Variants in MYO1C observed in about 807,000 individuals in gnomAD.
The protein encoded by MYO1C is unconventional myosin-Ic.
A neutral mutation model predicts 150.8 loss-of-function variants in MYO1C; 104 were observed. The ratio of observed to expected loss-of-function variants is 0.69; its 90% CI spans 0.59 to 0.81. The LOEUF (loss-of-function observed/expected upper bound fraction) is 0.81, where lower values mean the gene tolerates loss of function less well. Among genes scored for constraint, MYO1C ranks in the 30% least tolerant of loss-of-function variants. The pLI, the probability that MYO1C is intolerant of heterozygous loss-of-function variation, is 0.00. For synonymous variants in MYO1C, 663 were observed against 579.9 expected (o/e 1.14, Z -2.06); for missense variants, 1,504 against 1,435.0 (o/e 1.05, Z -0.78).
chr17:1,470,226 G>A lies in MYO1C; in HGVS notation c.2475C>T (p.Pro825=), dbSNP rs1567516470. The change falls in exon 24 of 32, where the codon CCC becomes CCT. Residue 825 remains proline, a synonymous_variant. Transcript: ENST00000648651. ...GCCACGAGGTGTCCAGGACATTCTG[G>A]GGCAGCTGCCGCCTCAGGTTTAGCA... ...SFLLNLRRQL[P]QNVLDTSWPT... 3.1e-6 allele frequency: 5 copies of A among 1,611,206 alleles called. No individual in the cohort carries two copies. The highest frequency in any genetic ancestry group is 4.2e-6 in the Non-Finnish European group (5 of 1,179,292).
rs8072859 is a variant in MYO1C, at chr17:1,467,829, T to C, written c.2967+11A>G. ...ATCCCCCACCACTCCTCCCCATCCA[T>C]GAAAAGGCACCTTTTGCTTATTGTC... On this transcript the variant is annotated intron_variant, in intron 29 of 31. Transcript: ENST00000648651. The C allele has an allele frequency of 0.73, 1,114,768 of 1,517,620 alleles. 406,447 individuals are homozygous for C. The highest frequency in any genetic ancestry group is 0.89 in the African/African-American group (53,997 of 60,702). 94.0% of individuals were successfully genotyped at this position (1,517,620 alleles called of 1,614,324 possible). A position where few individuals can be genotyped will look rare whatever the true frequency, so the allele number is the denominator to read the frequency against.
Position 1,483,957 on chromosome 17 carries a change from G to A in MYO1C, c.231+191C>T, listed in dbSNP as rs150129794. On this transcript the variant is annotated intron_variant, in intron 2 of 31. Coordinates refer to ENST00000648651, the MANE Select transcript of MYO1C (RefSeq NM_001080779.2). The stretch of plus-strand genomic sequence containing the variant: ...CTCGGGAGGCTGAGGCAGGAGAATC[G>A]CTTGAACCCGGGGGGAGGAGGTTAC... 3.1e-3 allele frequency among the ~76,000 whole-genome samples: 472 copies of A among 151,914 alleles called. 2 individuals are homozygous for A. Among genetic ancestry groups the A allele is most frequent in the African/African-American group, 0.011 (443 of 41,406 alleles).
intron 5 of MYO1C, among the ~76,000 whole-genome samples, chr17:1,481,826 T>TAA (rs36123893): frequency 0.17 from 22,472 of 134,368 alleles, 2,004 homozygotes; most frequent in South Asian, 0.27. Context: ...TACTCAGAGT[T>TAA]AAAAAAAAAA....
At position 1,478,745 on chromosome 17, in the gene MYO1C, C is replaced by A. The variant is rs997133275; in HGVS notation, c.1093-10G>T. 2.5e-6 allele frequency: 4 copies of A among 1,613,482 alleles called. No homozygotes were observed. The highest frequency in any genetic ancestry group is 3.4e-6 in the Non-Finnish European group (4 of 1,180,038). Reference sequence around the variant, plus strand: ...TCAGCGGGCTCAGGAGCTGTGGACGCAGCGTGAGACAAGGAGATGAATGCC... The same window carrying A: ...TCAGCGGGCTCAGGAGCTGTGGACGAAGCGTGAGACAAGGAGATGAATGCC... On this transcript the variant is annotated splice_polypyrimidine_tract_variant and intron_variant, in intron 9 of 31. Transcript: ENST00000648651. This position sits in a 1 kb window ranked among gnomAD's most constrained non-coding sequence, Gnocchi z 6.3.
intron 1 of MYO1C, chr17:1,484,631 G>GA (rs2074613179): frequency 3.9e-6 from 2 of 513,454 alleles, no homozygotes; most frequent in South Asian, 4.1e-5. Context: ...CAGAACCCGG[G>GA]AGGTGCTGGT....
In MYO1C at chr17:1,466,788, G is replaced by A. The variant is rs184469888; in HGVS notation, c.3165+454C>T. Reference sequence around the variant, plus strand: ...ATTACAGGCGTGCACCACCACGCCCGGCTAATTTTTGTGTTATTAGTAGAG... The same window carrying A: ...ATTACAGGCGTGCACCACCACGCCCAGCTAATTTTTGTGTTATTAGTAGAG... On this transcript the variant is annotated intron_variant, in intron 31 of 31. Coordinates refer to ENST00000648651, the MANE Select transcript of MYO1C (RefSeq NM_001080779.2). Among the ~76,000 whole-genome samples the A allele has an allele frequency of 4.0e-5, 6 of 151,802 alleles. No homozygotes were observed. In the East Asian group the frequency reaches 5.8e-4, roughly 15 times the overall value.
At chr17:1,468,147 G>A (rs2150930489) in intron 27 of MYO1C, 24 bp from the exon 28 acceptor site, 3 of 1,612,876 alleles carry the variant, frequency 1.9e-6, no homozygotes, top group Non-Finnish European at 2.5e-6. Context: ...CCAGGCTGAA[G>A]GGGCTGGGGA....
rs754992452 is a variant in MYO1C, at chr17:1,467,539, C to T, written c.3006G>A (p.Thr1002=). ...TGGCACTGAGGGCTGTCTTGGTCAG[C>T]GTCTCAATCACGTGGTCACTCTGCA... ...VVLQSDHVIE[T]LTKTALSANR... The change falls in exon 30 of 32, where the codon ACG becomes ACA. Residue 1002 remains threonine (T), a synonymous_variant. Transcript: ENST00000648651. 2.4e-5 allele frequency: 39 copies of T among 1,613,442 alleles called. No homozygotes were observed. The South Asian group carries it at 3.0e-4, about 12-fold the overall frequency.
chr17:1,489,070 C>T (rs1206346907), intron 1 of MYO1C, among the ~76,000 whole-genome samples: 2 of 152,196 alleles, frequency 1.3e-5, no homozygotes, highest in East Asian at 3.8e-4. Flanking sequence ...GCACCCGGGA[C>T]TGCTGCTATA....
chr17:1,485,281 G>C, intron 1 of MYO1C: 4 of 1,143,688 alleles, frequency 3.5e-6, no homozygotes, highest in Non-Finnish European at 4.3e-6. Flanking sequence ...GGTCAGAGAA[G>C]AACAAGGTGG....
At chr17:1,472,976 G>A (rs1037261295) in intron 17 of MYO1C, among the ~76,000 whole-genome samples, 4 of 152,146 alleles carry the variant, frequency 2.6e-5, no homozygotes, top group Admixed American at 6.5e-5. Flanking sequence ...CGAGGCGGGC[G>A]GATCACCTGA....
rs1214812307 is a variant in MYO1C, at chr17:1,472,862, G to T, written c.1798-634C>A. ...CTGAGGGGGAGCTGCTAAGTACTCC[G>T]GCAAGATCCAGTGGCTGGACAAGGG... On this transcript the variant is annotated intron_variant, in intron 17 of 31. Transcript: ENST00000648651. Among the ~76,000 whole-genome samples, 3 of 151,640 alleles carry T rather than the reference G, an allele frequency of 2.0e-5. No homozygotes were observed. In the East Asian group the frequency reaches 5.8e-4, roughly 29 times the overall value.
rs973618540 is a variant in MYO1C, at chr17:1,469,400, G to GGGTAAATACGGTAGAACGC, written c.2610+112_2610+130dup. The GGGTAAATACGGTAGAACGC allele has an allele frequency of 1.7e-4, 152 of 896,168 alleles. No homozygotes were observed. The East Asian group carries it at 2.2e-3, about 13-fold the overall frequency. The allele number at this position is 896,168 out of a possible 1,614,324, so 55.5% of individuals were successfully genotyped here. ...AGACCAGGGTAAATACGGTAGATCGGGGTAAATACGGTAGAACGCGGTAAA... is the reference window on the plus strand; with the variant it reads ...AGACCAGGGTAAATACGGTAGATCGGGGTAAATACGGTAGAACGCGGTAAATACGGTAGAACGCGGTAAA... On this transcript the variant is annotated intron_variant, in intron 25 of 31. Coordinates refer to ENST00000648651, the MANE Select transcript of MYO1C (RefSeq NM_001080779.2).
chr17:1,472,839 G>A, intron 17 of MYO1C, among the ~76,000 whole-genome samples: 1 of 152,264 alleles, frequency 6.6e-6, no homozygotes, highest in East Asian at 1.9e-4. Context: ...GGGAAGGACT[G>A]AGGGGGAGCT....
chr17:1,469,031 A>C, intron 25 of MYO1C: 1 of 293,898 alleles, frequency 3.4e-6, no homozygotes, highest in South Asian at 3.3e-5. Flanking sequence ...CCCCAGCTGT[A>C]CTCCAGTGTC....
At position 1,465,633 on chromosome 17, in the gene MYO1C, C is replaced by G. The variant is rs1291929907; in HGVS notation, c.*93G>C. 1.6e-6 allele frequency: 2 copies of G among 1,246,954 alleles called. No individual in the cohort carries two copies. The highest frequency in any genetic ancestry group is 3.1e-5 in the African/African-American group (2 of 64,486). The allele number at this position is 1,246,954 out of a possible 1,614,324, so 77.2% of individuals were successfully genotyped here. The stretch of plus-strand genomic sequence containing the variant: ...GGTGGGCTTCGGGGTGTCCCTGGGT[C>G]CCTGTCTGGAAGTTCGAGTCTTTGG... On this transcript the variant is annotated 3_prime_UTR_variant, in exon 32 of 32. Coordinates refer to ENST00000648651, the MANE Select transcript of MYO1C (RefSeq NM_001080779.2).
intron 1 of MYO1C, chr17:1,485,450 C>T (rs939188021): frequency 1.3e-6 from 1 of 770,934 alleles, no homozygotes; most frequent in Non-Finnish European, 1.6e-6. Context: ...GTCCCCGCCC[C>T]CTCGCCCTCG....
chr17:1,478,696 G>A lies in MYO1C; in HGVS notation c.1132C>T (p.Arg378Ter), dbSNP rs1444490796. 3 of 1,614,176 alleles carry A rather than the reference G, an allele frequency of 1.9e-6. No individual in the cohort carries two copies. The highest frequency in any genetic ancestry group is 1.7e-5 in the Admixed American group (1 of 60,028). ...TACACAGCCTTGGCGAGGGCGTCTC[G>A]TGCGTACGCGGCCTGCTCCAGGTTC... Reference protein sequence around the residue: ...PLNLEQAAYARDALAKAVYSR... With the variant: ...PLNLEQAAYA The change falls in exon 10 of 32, where the codon CGA (arginine) becomes TGA (stop). Residue 378 changes from arginine to a stop codon, truncating the protein, a stop_gained. Transcript: ENST00000648651. LOFTEE classifies it high-confidence loss of function. The surrounding 1 kb of genome is among the most constrained non-coding windows in gnomAD (Gnocchi z 6.3).
At position 1,480,693 on chromosome 17, in the gene MYO1C, G is replaced by A; in HGVS notation, c.807+13C>T. ...TCCCTGGGTGGCACCTGCCCTCCCT[G>A]CCAGCCACTCACCTTCACCAGGTAC... is the stretch of plus-strand genomic sequence containing the variant. On this transcript the variant is annotated intron_variant, in intron 6 of 31. Coordinates refer to ENST00000648651, the MANE Select transcript of MYO1C (RefSeq NM_001080779.2). The A allele has an allele frequency of 1.9e-6, 3 of 1,614,046 alleles. No individual in the cohort carries two copies. Among genetic ancestry groups the A allele is most frequent in the Middle Eastern group, 1.6e-4 (1 of 6,062 alleles).
Sources: allele counts gnomAD v4.1 joint callset (sites outside exome capture counted in the v4.1 genomes callset), GRCh38; gene constraint gnomAD v4.1.1; non-coding constraint Gnocchi (gnomAD v3.1); transcripts MANE v1.5; gene names NCBI Gene and HGNC (gene_info 2026-07-23, HGNC 2026-07-21).